Variants in SNX20 observed in about 807,000 individuals in gnomAD.
SNX20 encodes sorting nexin 20.
Under a neutral mutation model 24.5 loss-of-function variants are expected in SNX20, and 21 were observed. The observed-to-expected ratio is 0.86, with a 90% CI of 0.61 to 1.23. The LOEUF is 1.23. Among genes scored for constraint, SNX20 ranks in the 50% most tolerant of loss-of-function variants. SNX20 has a pLI of 0.00. For missense variants in SNX20, 433 were observed against 430.8 expected (o/e 1.00, Z -0.04); for synonymous variants, 206 against 192.8 (o/e 1.07, Z -0.57).
In SNX20 at chr16:50,673,553, A is replaced by C. The variant is rs1963104046; in HGVS notation, c.804T>G (p.Pro268=). Reference sequence around the variant, plus strand: ...CCAGGCGGACCATGGCGTCCAGCAGAGGCGCATAGTAGCGATGGCCCTCCC... The same window carrying C: ...CCAGGCGGACCATGGCGTCCAGCAGCGGCGCATAGTAGCGATGGCCCTCCC... The part of the protein sequence containing the change: ...QAREGHRYYA[P]LLDAMVRLAY... The change falls in exon 4 of 4, where the codon CCT becomes CCG. Residue 268 remains proline (P), a synonymous_variant. Transcript: ENST00000330943. This position sits in a 1 kb window ranked among gnomAD's most constrained non-coding sequence, Gnocchi z 4.1. The C allele has an allele frequency of 2.5e-6, 4 of 1,607,606 alleles. No individual in the cohort carries two copies. Among genetic ancestry groups the C allele is most frequent in the Non-Finnish European group, 3.4e-6 (4 of 1,178,828 alleles).
At chr16:50,674,769 T>C (rs1963145722) in intron 3 of SNX20, among the ~76,000 whole-genome samples, 1 of 152,226 alleles carries the variant, frequency 6.6e-6, no homozygotes, top group African/African-American at 2.4e-5. Flanking sequence ...ACGTACAATA[T>C]AACATCATTT....
chr16:50,667,940 G>C, downstream of SNX20: 2 of 1,401,350 alleles, frequency 1.4e-6, no homozygotes, highest in South Asian at 1.2e-5. Flanking sequence ...GGTAGGGGGG[G>C]ACCCACTCAA....
At chr16:50,667,307 G>C (rs367561341), downstream of SNX20, 2 of 153,506 alleles carry the variant, frequency 1.3e-5, no homozygotes, top group African/African-American at 2.4e-5. Flanking sequence ...CGAGGGTGGT[G>C]GGGGGGTAGT....
Position 50,677,467 on chromosome 16 carries a change from C to A in SNX20, c.60G>T (p.Thr20=), listed in dbSNP as rs761526449. Residue 20 remains threonine (T), a synonymous_variant, in exon 2 of 4, where the codon ACG becomes ACT. Transcript: ENST00000330943. Reference sequence around the variant, plus strand: ...CTGGTGCTTCCTGCTGGGTCCTTGCCGTGCACTGGGTTATGGGTCCCATGC... The same window carrying A: ...CTGGTGCTTCCTGCTGGGTCCTTGCAGTGCACTGGGTTATGGGTCCCATGC... ...PGCMGPITQC[T]ARTQQEAPAT... is the part of the protein sequence containing the mutation. The A allele has an allele frequency of 4.3e-6, 7 of 1,610,204 alleles. No individual in the cohort carries two copies. Among genetic ancestry groups the A allele is most frequent in the Admixed American group, 1.7e-5 (1 of 59,542 alleles).
chr16:50,671,857 T>G lies in SNX20; in HGVS notation c.*1549A>C, dbSNP rs1198791306. 3 of 152,248 alleles carry G rather than the reference T, an allele frequency of 2.0e-5. No homozygotes were observed. The highest frequency in any genetic ancestry group is 7.2e-5 in the African/African-American group (3 of 41,462). The allele number at this position is 152,248 out of a possible 1,614,324, so 9.4% of individuals were successfully genotyped here. ...AGTTTTTACCACAAGGTGTCGCTGT[T>G]GAACAGATTCTGGTGCAGTCTAGTG... On this transcript the variant is annotated 3_prime_UTR_variant, in exon 4 of 4. Transcript: ENST00000330943.
chr16:50,677,620 C>A (rs1201904040), intron 1 of SNX20, 85 bp from the exon 2 acceptor site: 1 of 1,314,788 alleles, frequency 7.6e-7, no homozygotes, highest in East Asian at 2.8e-5. Context: ...CTGTGTCATG[C>A]CCCCTCCTGG....
At position 50,671,699 on chromosome 16, in the gene SNX20, G is replaced by C. The variant is rs1963053504; in HGVS notation, c.*1707C>G. The C allele has an allele frequency of 6.6e-6, 1 of 152,204 alleles. No individual in the cohort carries two copies. The highest frequency in any genetic ancestry group is 6.5e-5 in the Admixed American group (1 of 15,278). 9.4% of individuals were successfully genotyped at this position (152,204 alleles called of 1,614,324 possible). A position where few individuals can be genotyped will look rare whatever the true frequency, so the allele number is the denominator to read the frequency against. ...AACACTTTAATTTTCCATAGGCCTA[G>C]ATTTTCAAGAAGTCCAATATCTCTC... On this transcript the variant is annotated 3_prime_UTR_variant, in exon 4 of 4. Transcript: ENST00000330943.
At chr16:50,681,039 C>T (rs1344892926) in intron 1 of SNX20, among the ~76,000 whole-genome samples, 151 bp downstream of exon 1, 4 of 152,244 alleles carry the variant, frequency 2.6e-5, no homozygotes, top group Admixed American at 2.6e-4. Context: ...TCCTCTGCCT[C>T]AGTGTGCTAA....
Position 50,677,463 on chromosome 16 carries a change from T to TTGCCGTGCACTGGGTTATGGG in SNX20, c.43_63dup (p.Pro15_Ala21dup). On this transcript the variant is annotated inframe_insertion, in exon 2 of 4. Transcript: ENST00000330943. ...GTGGCTGGTGCTTCCTGCTGGGTCCTTGCCGTGCACTGGGTTATGGGTCCC... is the reference window on the plus strand; with the variant it reads ...GTGGCTGGTGCTTCCTGCTGGGTCCTTGCCGTGCACTGGGTTATGGGTGCCGTGCACTGGGTTATGGGTCCC... The TTGCCGTGCACTGGGTTATGGG allele has an allele frequency of 6.2e-7, 1 of 1,610,180 alleles. No homozygotes were observed. The highest frequency in any genetic ancestry group is 1.1e-5 in the South Asian group (1 of 90,432).
At chr16:50,679,746 T>A (rs1457324485) in intron 1 of SNX20, among the ~76,000 whole-genome samples, 1 of 152,094 alleles carries the variant, frequency 6.6e-6, no homozygotes, top group African/African-American at 2.4e-5. Context: ...TGACTAGGGG[T>A]GGGTTCCCTA....
At position 50,673,995 on chromosome 16, in the gene SNX20, G is replaced by A. The variant is rs376792548; in HGVS notation, c.362C>T (p.Ala121Val). 6.2e-7 allele frequency: 1 copy of A among 1,612,832 alleles called. No homozygotes were observed. The highest frequency in any genetic ancestry group is 8.5e-7 in the Non-Finnish European group (1 of 1,179,564). ...AVLERRYSDF[A>V]KLQKALLKTF... ...CTTCAGCAGCGCTTTCTGGAGCTTC[G>A]CGAAGTCGGAATAGCGCCGTTCCAG... The change falls in exon 4 of 4, where the codon GCG becomes GTG. Residue 121 changes from alanine (A) to valine (V), a missense_variant. By Grantham distance (64) the Ala-to-Val change is moderately conservative. Transcript: ENST00000330943. The surrounding 1 kb of genome is among the most constrained non-coding windows in gnomAD (Gnocchi z 4.1).
Position 50,674,113 on chromosome 16 carries a change from C to A in SNX20, c.283-39G>T, listed in dbSNP as rs570109822. On this transcript the variant is annotated intron_variant, in intron 3 of 3. Coordinates refer to ENST00000330943, the MANE Select transcript of SNX20 (RefSeq NM_182854.4). ...AGAGAGAGCTGTGGCCACCTCCCGG[C>A]GGGGGCTGCGGCGGACGGAGCACAC... 1.8e-4 allele frequency: 285 copies of A among 1,544,990 alleles called. 6 individuals are homozygous for A. In the South Asian group the frequency reaches 3.3e-3, roughly 18 times the overall value.
At chr16:50,668,761 G>A, downstream of SNX20, 1 of 1,175,638 alleles carries the variant, frequency 8.5e-7, no homozygotes, top group Non-Finnish European at 1.1e-6. Flanking sequence ...GATGTGTTGG[G>A]AGCCAACCTA....
intron 1 of SNX20, among the ~76,000 whole-genome samples, chr16:50,679,048 C>T (rs927795460): frequency 1.5e-5 from 2 of 134,994 alleles, no homozygotes; most frequent in Non-Finnish European, 3.2e-5. Context: ...AACATTAGAT[C>T]GGCTGGAGGG....
At position 50,673,743 on chromosome 16, in the gene SNX20, A is replaced by C; in HGVS notation, c.614T>G (p.Leu205Arg). ...CGGCAGCACGCGCAGCAGCAGCTCC[A>C]GGGCGCGCGGGTACTGGCCGGCCCG... is the stretch of plus-strand genomic sequence containing the variant. ...CLRAGQYPRALELLLRVLPLQ... is the reference protein window; with the variant it reads ...CLRAGQYPRARELLLRVLPLQ... Residue 205 changes from leucine (L) to arginine (R), a missense_variant, in exon 4 of 4, where the codon CTG (leucine) becomes CGG (arginine). By Grantham distance (102) the Leu-to-Arg change is moderately radical. Coordinates refer to ENST00000330943, the MANE Select transcript of SNX20 (RefSeq NM_182854.4). This position sits in a 1 kb window ranked among gnomAD's most constrained non-coding sequence, Gnocchi z 4.1. 1.3e-6 allele frequency: 2 copies of C among 1,506,400 alleles called. No individual in the cohort carries two copies. Among genetic ancestry groups the C allele is most frequent in the Non-Finnish European group, 1.8e-6 (2 of 1,135,106 alleles). 93.3% of individuals were successfully genotyped at this position (1,506,400 alleles called of 1,614,324 possible).
At chr16:50,677,350 T>C in intron 2 of SNX20, 47 bp downstream of exon 2, 3 of 1,492,800 alleles carry the variant, frequency 2.0e-6, no homozygotes, top group Non-Finnish European at 2.7e-6. Flanking sequence ...GTACTTTGAA[T>C]GTCTTCAGAC....
chr16:50,671,044 A>G (rs113593279), downstream of SNX20: 1 of 151,764 alleles, frequency 6.6e-6, no homozygotes, highest in East Asian at 1.9e-4. Flanking sequence ...TTACTCCCAT[A>G]TAAGTATTTT....
rs969526797 is a variant in SNX20, at chr16:50,673,679, G to A, written c.678C>T (p.Ala226=). Residue 226 remains alanine (A), a synonymous_variant, in exon 4 of 4, where the codon GCC becomes GCT. Transcript: ENST00000330943. The surrounding 1 kb of genome is among the most constrained non-coding windows in gnomAD (Gnocchi z 4.1). ...GCAGCACGGCGCACAGGGCCGGGAC[G>A]GCGGCCGCAGGGCAGTGGGCGGTGA... is the stretch of plus-strand genomic sequence containing the variant. ...EKLTAHCPAA[A]VPALCAVLLC... is the part of the protein sequence containing the mutation. 7 of 1,493,142 alleles carry A rather than the reference G, an allele frequency of 4.7e-6. No individual in the cohort carries two copies. Among genetic ancestry groups the A allele is most frequent in the African/African-American group, 2.9e-5 (2 of 68,618 alleles). 92.5% of individuals were successfully genotyped at this position (1,493,142 alleles called of 1,614,324 possible). A position where few individuals can be genotyped will look rare whatever the true frequency, so the allele number is the denominator to read the frequency against.
Position 50,672,159 on chromosome 16 carries a change from T to G in SNX20, c.*1247A>C, listed in dbSNP as rs184849812. The stretch of plus-strand genomic sequence containing the variant: ...TCCTTTCCAGACAGCAGACCTCAGT[T>G]AAGGGCATCCCAGTCCATCAGAGAA... On this transcript the variant is annotated 3_prime_UTR_variant, in exon 4 of 4. Coordinates refer to ENST00000330943, the MANE Select transcript of SNX20 (RefSeq NM_182854.4). 10 of 152,298 alleles carry G rather than the reference T, an allele frequency of 6.6e-5. No individual in the cohort carries two copies. In the East Asian group the frequency reaches 1.9e-3, roughly 29 times the overall value. 9.4% of individuals were successfully genotyped at this position (152,298 alleles called of 1,614,324 possible). A position where few individuals can be genotyped will look rare whatever the true frequency, so the allele number is the denominator to read the frequency against.
Sources: gnomAD v4.1 joint callset for allele counts (sites outside exome capture counted in the v4.1 genomes callset) on GRCh38, gnomAD v4.1.1 for gene constraint, Gnocchi (gnomAD v3.1) non-coding constraint, MANE v1.5 for transcripts, NCBI Gene and HGNC (gene_info 2026-07-23, HGNC 2026-07-21) for gene names.